Variants in MEGF11 observed in about 807,000 individuals in gnomAD.
MEGF11 encodes multiple epidermal growth factor-like domains protein 11.
A neutral mutation model predicts 146.6 loss-of-function variants in MEGF11; 126 were observed. The observed-to-expected ratio is 0.86, with a 90% CI of 0.74 to 1.00. The LOEUF is 1.00. Ranked by LOEUF, MEGF11 falls within the 50% of genes least tolerant of loss-of-function variation. The pLI, the probability that MEGF11 is intolerant of heterozygous loss-of-function variation, is 0.00. For missense variants in MEGF11, 1,509 were observed against 1,521.2 expected (o/e 0.99, Z 0.13); for synonymous variants, 532 against 583.4 (o/e 0.91, Z 1.27).
rs538084896 is a variant in MEGF11 at position 66,228,607 on chromosome 15, C to T, written c.-9+24998G>A. ...CAGAGAGAAGATGGCTCCCCATTAT[C>T]AGACCAGCATCCCCACACGACAGAA... On this transcript the variant is annotated intron_variant, in intron 1 of 25. Coordinates refer to ENST00000395614, the MANE Select transcript of MEGF11 (RefSeq NM_001385028.1). 2.6e-5 allele frequency among the ~76,000 whole-genome samples: 4 copies of T among 152,238 alleles called. No homozygotes were observed. The South Asian group carries it at 8.3e-4, about 32-fold the overall frequency.
At chr15:65,947,682 G>A (rs774718296) in intron 10 of MEGF11, among the ~76,000 whole-genome samples, 10 of 152,188 alleles carry the variant, frequency 6.6e-5, no homozygotes, top group Non-Finnish European at 1.2e-4. Flanking sequence ...AATTGGTGAG[G>A]TCAGACCCAG....
chr15:66,062,340 T>C (rs1854195378), intron 5 of MEGF11, among the ~76,000 whole-genome samples: 1 of 152,248 alleles, frequency 6.6e-6, no homozygotes, highest in South Asian at 2.1e-4. Context: ...TTTGCTAGCA[T>C]GCACTAGAAA....
chr15:66,229,127 C>A (rs548456176), intron 1 of MEGF11, among the ~76,000 whole-genome samples: 1 of 152,250 alleles, frequency 6.6e-6, no homozygotes, highest in South Asian at 2.1e-4. Flanking sequence ...CTGCCAGGAT[C>A]CTGATATATC....
At chr15:66,240,288 T>TG (rs1326988541) in intron 1 of MEGF11, among the ~76,000 whole-genome samples, 1 of 151,754 alleles carries the variant, frequency 6.6e-6, no homozygotes, top group East Asian at 1.9e-4. Context: ...CAGGGGAGAG[T>TG]GGGGGCTGAA....
At chr15:66,137,025 C>CA (rs200795641) in intron 1 of MEGF11, among the ~76,000 whole-genome samples, 2,092 of 149,834 alleles carry the variant, frequency 0.014, 15 homozygotes, top group South Asian at 0.024. Context: ...ACTCTGTCTC[C>CA]AAAAAAAAAG....
rs1295642015 is a variant in MEGF11, at chr15:65,916,185, G to A, written c.2307C>T (p.Thr769=). ...GTTGCCCGGTGAAGCCTGTGCGGCA[G>A]GTGCACTTGCCACTGATGTGGTCAC... ...ASCDHISGKC[T]CRTGFTGQHC... is the part of the protein sequence containing the mutation. The change falls in exon 18 of 26, where the codon ACC becomes ACT. Residue 769 remains threonine, a synonymous_variant. Coordinates refer to ENST00000395614, the MANE Select transcript of MEGF11 (RefSeq NM_001385028.1). 1.3e-6 allele frequency: 2 copies of A among 1,585,886 alleles called. No individual in the cohort carries two copies. The highest frequency in any genetic ancestry group is 1.7e-6 in the Non-Finnish European group (2 of 1,166,004).
intron 1 of MEGF11, among the ~76,000 whole-genome samples, chr15:66,219,672 T>C (rs1012004995): frequency 3.3e-5 from 5 of 149,936 alleles, no homozygotes; most frequent in Non-Finnish European, 5.9e-5. Flanking sequence ...AAAAATTAAA[T>C]GTGCTTGGCA....
At chr15:66,112,674 C>T (rs2087495537) in intron 4 of MEGF11, among the ~76,000 whole-genome samples, 3 of 151,008 alleles carry the variant, frequency 2.0e-5, no homozygotes, top group Admixed American at 2.0e-4. Flanking sequence ...AATAAAAACC[C>T]CCAGAAACTC....
intron 1 of MEGF11, among the ~76,000 whole-genome samples, chr15:66,217,111 T>C (rs575052907): frequency 6.6e-6 from 1 of 151,766 alleles, no homozygotes; most frequent in African/African-American, 2.4e-5. Context: ...AAAATCTTGC[T>C]GCATGAGATC....
At chr15:66,120,976 C>T (rs1178830937) in intron 3 of MEGF11, among the ~76,000 whole-genome samples, 1 of 152,160 alleles carries the variant, frequency 6.6e-6, no homozygotes, top group African/African-American at 2.4e-5. Context: ...AGGCCAGGTG[C>T]CAGGCTGCTC....
chr15:66,229,365 T>C (rs927032262), intron 1 of MEGF11, among the ~76,000 whole-genome samples: 1 of 152,118 alleles, frequency 6.6e-6, no homozygotes. Flanking sequence ...TATGCACGTG[T>C]CCCAGCCGAA....
chr15:66,162,570 GC>G (rs1393187970), intron 1 of MEGF11, among the ~76,000 whole-genome samples: 1 of 152,092 alleles, frequency 6.6e-6, no homozygotes, highest in Non-Finnish European at 1.5e-5. Flanking sequence ...TCAAGAACAG[GC>G]AAAAGTAATC....
intron 8 of MEGF11, among the ~76,000 whole-genome samples, chr15:65,968,170 CAG>C (rs993218850): frequency 1.5e-4 from 23 of 151,948 alleles, no homozygotes; most frequent in Admixed American, 1.3e-3. Flanking sequence ...AAGTAGAAGA[CAG>C]AAGGAGGAGA....
chr15:66,183,129 A>T (rs1391768632), intron 1 of MEGF11, among the ~76,000 whole-genome samples: 1 of 152,254 alleles, frequency 6.6e-6, no homozygotes, highest in African/African-American at 2.4e-5. Flanking sequence ...ACAATGATAC[A>T]CTACTTGCAT....
chr15:66,142,783 G>A (rs547540845), intron 1 of MEGF11, among the ~76,000 whole-genome samples: 1 of 152,306 alleles, frequency 6.6e-6, no homozygotes, highest in Admixed American at 6.5e-5. Flanking sequence ...CACCTCTCTG[G>A]GCTGTTCTTT....
chr15:66,217,406 A>G (rs1213065549), intron 1 of MEGF11, among the ~76,000 whole-genome samples: 1 of 152,248 alleles, frequency 6.6e-6, no homozygotes, highest in Non-Finnish European at 1.5e-5. Context: ...ACCAACATCT[A>G]CTTCACAAAA....
chr15:65,923,102 C>T, intron 13 of MEGF11, 133 bp from the exon 14 acceptor site: 1 of 950,988 alleles, frequency 1.1e-6, no homozygotes, highest in Non-Finnish European at 1.5e-6. Flanking sequence ...GAGGAGAAAC[C>T]CGGCTGAGGC....
intron 5 of MEGF11, among the ~76,000 whole-genome samples, chr15:66,092,922 G>A (rs112657297): frequency 2.8e-4 from 43 of 152,334 alleles, no homozygotes; most frequent in African/African-American, 8.4e-4. Context: ...GCCAAGTTAC[G>A]CAAAACAAAA....
Position 66,011,718 on chromosome 15 carries a change from AGCTATT to A in MEGF11, c.395-29236_395-29231del, listed in dbSNP as rs1465498669. ...GTGAGAATGGACCCCCAGGGAATTT[AGCTATT>A]ATTATTATTATTATTATTATTATTA... On this transcript the variant is annotated intron_variant, in intron 5 of 25. Coordinates refer to ENST00000395614, the MANE Select transcript of MEGF11 (RefSeq NM_001385028.1). Among the ~76,000 whole-genome samples the A allele has an allele frequency of 2.5e-4, 8 of 32,388 alleles. No individual in the cohort carries two copies. In the Admixed American group the frequency reaches 2.9e-3, roughly 12 times the overall value. The allele number at this position is 32,388 out of a possible 152,430, so 21.2% of individuals were successfully genotyped here. A position where few individuals can be genotyped will look rare whatever the true frequency, so the allele number is the denominator to read the frequency against.
Sources: gnomAD v4.1 joint callset for allele counts (sites outside exome capture counted in the v4.1 genomes callset) on GRCh38, gnomAD v4.1.1 for gene constraint, MANE v1.5 for transcripts, NCBI Gene and HGNC (gene_info 2026-07-23, HGNC 2026-07-21) for gene names.